Variants in DDX4 observed in about 807,000 individuals in gnomAD.
The protein encoded by DDX4 is DEAD-box helicase 4.
Under a neutral mutation model 100.0 loss-of-function variants are expected in DDX4, and 25 were observed. The ratio of observed to expected loss-of-function variants is 0.25; its 90% CI spans 0.18 to 0.35. DDX4 has a LOEUF of 0.35. Ranked by LOEUF, DDX4 falls within the 10% of genes least tolerant of loss-of-function variation. The pLI, the probability that DDX4 is intolerant of heterozygous loss-of-function variation, is 1.00. For missense variants in DDX4, 635 were observed against 882.4 expected, an observed-to-expected ratio of 0.72 and a Z score of 3.55; for synonymous variants, 259 against 275.7, an observed-to-expected ratio of 0.94 and a Z score of 0.60.
At chr5:55,805,502 A>G (rs1284242630) in intron 18 of DDX4, among the ~76,000 whole-genome samples, 1 of 151,908 alleles carries the variant, frequency 6.6e-6, no homozygotes, top group Non-Finnish European at 1.5e-5. Context: ...CGTCCCATCA[A>G]TACCTAATTT....
At chr5:55,766,369 T>C (rs950058087) in intron 6 of DDX4, among the ~76,000 whole-genome samples, 11 of 152,136 alleles carry the variant, frequency 7.2e-5, no homozygotes, top group African/African-American at 2.7e-4. Context: ...GTAGGTTTAT[T>C]TTAGGGAAAT....
chr5:55,781,887 C>T, intron 9 of DDX4, 47 bp from the exon 10 acceptor site: 1 of 1,600,218 alleles, frequency 6.2e-7, no homozygotes, highest in Non-Finnish European at 8.6e-7. Context: ...TGTGCTTGAG[C>T]AGCAGCTGTG....
At chr5:55,742,275 G>GTTGC (rs1561477047) in intron 2 of DDX4, 1 of 454,548 alleles carries the variant, frequency 2.2e-6, no homozygotes, top group Admixed American at 2.4e-5. Flanking sequence ...AGATAATTCC[G>GTTGC]TTGCTTACTT....
At position 55,790,583 on chromosome 5, in the gene DDX4, G is replaced by T; in HGVS notation, c.1180G>T (p.Val394Leu). ...EARKFSFGTC[V>L]RAVVIYGGTQ... is the part of the protein sequence containing the mutation. ...TAGTTTTCTTGTTAATAGGACTTGT[G>T]TAAGAGCTGTTGTTATATATGGGGG... is the stretch of plus-strand genomic sequence containing the variant. Residue 394 changes from valine (V) to leucine (L), a missense_variant, in exon 16 of 22, where the codon GTA (valine) becomes TTA (leucine). Around this residue, in one of 4 missense-constraint regions of DDX4, gnomAD observed 446 missense variants for 540.8 expected, o/e 0.82. Coordinates refer to ENST00000505374, the MANE Select transcript of DDX4 (RefSeq NM_024415.3). 1 of 1,590,370 alleles carries T rather than the reference G, an allele frequency of 6.3e-7. No homozygotes were observed. Among genetic ancestry groups the T allele is most frequent in the Non-Finnish European group, 8.6e-7 (1 of 1,159,458 alleles).
chr5:55,771,785 T>C (rs1741267660), intron 7 of DDX4, among the ~76,000 whole-genome samples: 1 of 152,246 alleles, frequency 6.6e-6, no homozygotes, highest in African/African-American at 2.4e-5. Context: ...TTTGGACTAA[T>C]GGAATGTGGA....
chr5:55,797,511 T>C (rs1344643633), intron 17 of DDX4, among the ~76,000 whole-genome samples: 2 of 152,198 alleles, frequency 1.3e-5, no homozygotes, highest in Admixed American at 6.5e-5. Context: ...AAAGCTTTTC[T>C]TTTATGATAA....
In DDX4 at chr5:55,817,148, G is replaced by C. The variant is rs1479175525; in HGVS notation, c.*608G>C. The C allele has an allele frequency of 6.6e-6, 1 of 152,134 alleles. No individual in the cohort carries two copies. The highest frequency in any genetic ancestry group is 1.5e-5 in the Non-Finnish European group (1 of 68,016). The allele number at this position is 152,134 out of a possible 1,614,324, so 9.4% of individuals were successfully genotyped here. On this transcript the variant is annotated 3_prime_UTR_variant, in exon 22 of 22. Transcript: ENST00000505374. ...AAAGGATGAAACACTTTTCCCTTAAGTTTTCCATCAGCACTTTAAATTTTT... is the reference window on the plus strand; with the variant it reads ...AAAGGATGAAACACTTTTCCCTTAACTTTTCCATCAGCACTTTAAATTTTT...
In DDX4 at chr5:55,752,064, C is replaced by CT. The variant is rs1580518365; in HGVS notation, c.127+5844dup. ...GACGCTAAAGTTTTTCTGGTCAGCC[C>CT]TGACCATTGGTCTCTAGTTATTGAG... On this transcript the variant is annotated intron_variant, in intron 3 of 21. Coordinates refer to ENST00000505374, the MANE Select transcript of DDX4 (RefSeq NM_024415.3). 2.0e-5 allele frequency among the ~76,000 whole-genome samples: 3 copies of CT among 152,254 alleles called. No individual in the cohort carries two copies. The East Asian group carries it at 5.8e-4, about 29-fold the overall frequency.
intron 7 of DDX4, among the ~76,000 whole-genome samples, chr5:55,772,363 TTGTCCTAAATTAGG>T (rs1741307192): frequency 6.6e-6 from 1 of 152,212 alleles, no homozygotes; most frequent in Non-Finnish European, 1.5e-5. Context: ...AGGGCTGCCT[TTGTCCTAAATTAGG>T]TGGCTTATAT....
chr5:55,782,194 A>G, intron 10 of DDX4: 1 of 552,522 alleles, frequency 1.8e-6, no homozygotes, highest in Non-Finnish European at 3.2e-6. Context: ...TGATCCAGCA[A>G]TTCCATTATA....
intron 3 of DDX4, among the ~76,000 whole-genome samples, chr5:55,759,000 T>TAAATAG (rs1178973184): frequency 6.6e-6 from 1 of 151,206 alleles, no homozygotes; most frequent in Non-Finnish European, 1.5e-5. Context: ...GTGATCCTCC[T>TAAATAG]GCCTTAACCT....
intron 17 of DDX4, among the ~76,000 whole-genome samples, chr5:55,795,670 G>A (rs113597566): frequency 0.07 from 10,608 of 152,186 alleles, 582 homozygotes; most frequent in African/African-American, 0.15. Context: ...CTACTCAGGA[G>A]GCTAAAGTGG....
At chr5:55,775,737 G>A (rs1032594748) in intron 7 of DDX4, among the ~76,000 whole-genome samples, 1 of 152,048 alleles carries the variant, frequency 6.6e-6, no homozygotes, top group South Asian at 2.1e-4. Context: ...TGAAGATATT[G>A]TCACCAAACA....
In DDX4 at chr5:55,785,883, A is replaced by C. The variant is rs1350843837; in HGVS notation, c.864+12A>C. ...CACCAGCAATTCTGGTCAGTGTATTAATTGTTTCTGTATTAGCTATGTAGC... is the reference window on the plus strand; with the variant it reads ...CACCAGCAATTCTGGTCAGTGTATTCATTGTTTCTGTATTAGCTATGTAGC... On this transcript the variant is annotated intron_variant, in intron 13 of 21. Coordinates refer to ENST00000505374, the MANE Select transcript of DDX4 (RefSeq NM_024415.3). The C allele has an allele frequency of 1.3e-6, 2 of 1,588,104 alleles. No homozygotes were observed. Among genetic ancestry groups the C allele is most frequent in the South Asian group, 2.2e-5 (2 of 90,048 alleles).
At chr5:55,784,469 G>T (rs1742122206) in intron 10 of DDX4, among the ~76,000 whole-genome samples, 1 of 152,106 alleles carries the variant, frequency 6.6e-6, no homozygotes, top group Non-Finnish European at 1.5e-5. Flanking sequence ...CAGAAATAAT[G>T]GTTTATCAGC....
chr5:55,738,350 C>T (rs3761773), intron 1 of DDX4: 17,581 of 153,450 alleles, frequency 0.11, 1,535 homozygotes, highest in East Asian at 0.29. Flanking sequence ...GGTCCGAGTA[C>T]CATTTGTGTA....
chr5:55,784,878 C>T (rs1417345641), intron 10 of DDX4, among the ~76,000 whole-genome samples: 1 of 152,168 alleles, frequency 6.6e-6, no homozygotes, highest in Non-Finnish European at 1.5e-5. Context: ...TGGGTTTTGC[C>T]TATGTGCCTT....
At chr5:55,749,401 C>T (rs1759418561) in intron 3 of DDX4, among the ~76,000 whole-genome samples, 1 of 152,132 alleles carries the variant, frequency 6.6e-6, no homozygotes, top group Non-Finnish European at 1.5e-5. Flanking sequence ...TACTGCACTC[C>T]AGCAGGGCTG....
intron 18 of DDX4, among the ~76,000 whole-genome samples, chr5:55,805,231 G>A (rs1185073638): frequency 1.2e-4 from 19 of 152,116 alleles, no homozygotes; most frequent in African/African-American, 3.1e-4. Flanking sequence ...GGGCTGAGAC[G>A]ATGGGGTTTT....
Sources: gnomAD v4.1 joint callset for allele counts (sites outside exome capture counted in the v4.1 genomes callset) on GRCh38, gnomAD v4.1.1 for gene constraint, gnomAD v4.1.1 regional missense constraint, MANE v1.5 for transcripts, NCBI Gene and HGNC (gene_info 2026-07-23, HGNC 2026-07-21) for gene names.